The following HCN1 variants were observed in gnomAD, a reference collection of about 807,000 sequenced individuals.
The protein encoded by HCN1 is potassium/sodium hyperpolarization-activated cyclic nucleotide-gated channel 1.
In HCN1, 13 loss-of-function variants were observed where a neutral mutation model predicts 78.9. The observed-to-expected ratio is 0.16, with a 90% CI of 0.11 to 0.26. HCN1 has a LOEUF of 0.26. HCN1 is among the 10% of genes least tolerant of loss of function. HCN1 has a pLI of 1.00. For missense variants in HCN1, 810 were observed against 1,154.3 expected (o/e 0.70, Z 4.32); for synonymous variants, 552 against 455.5 (o/e 1.21, Z -2.70).
At chr5:45,615,689 T>C (rs1237454603) in intron 2 of HCN1, among the ~76,000 whole-genome samples, 2 of 152,002 alleles carry the variant, frequency 1.3e-5, no homozygotes, top group Non-Finnish European at 2.9e-5. Context: ...TTTCTCAAAA[T>C]CATGAAACTA....
intron 2 of HCN1, among the ~76,000 whole-genome samples, chr5:45,543,048 T>C (rs1561194861): frequency 6.6e-6 from 1 of 152,084 alleles, no homozygotes. Context: ...TCCCCAAAGT[T>C]GCCAACTGAC....
At chr5:45,630,807 G>T (rs1745257168) in intron 2 of HCN1, among the ~76,000 whole-genome samples, 1 of 151,942 alleles carries the variant, frequency 6.6e-6, no homozygotes, top group Non-Finnish European at 1.5e-5. Flanking sequence ...TCCTCAAAGA[G>T]AACTGTTTTT....
At chr5:45,343,278 A>G (rs1420401281) in intron 5 of HCN1, among the ~76,000 whole-genome samples, 1 of 152,222 alleles carries the variant, frequency 6.6e-6, no homozygotes. Flanking sequence ...TTTATAATGC[A>G]AAGACTGAAA....
intron 6 of HCN1, among the ~76,000 whole-genome samples, chr5:45,275,081 A>C (rs1173192948): frequency 6.6e-6 from 1 of 152,126 alleles, no homozygotes; most frequent in Non-Finnish European, 1.5e-5. Flanking sequence ...CCCTGTCTCT[A>C]CTAAAAATAC....
At chr5:45,336,968 A>G (rs1302669206) in intron 5 of HCN1, among the ~76,000 whole-genome samples, 1 of 151,976 alleles carries the variant, frequency 6.6e-6, no homozygotes, top group African/African-American at 2.4e-5. Flanking sequence ...GGGGATTAGG[A>G]TTTCAACATA....
At chr5:45,543,752 A>T (rs768595858) in intron 2 of HCN1, among the ~76,000 whole-genome samples, 14 of 152,086 alleles carry the variant, frequency 9.2e-5, no homozygotes, top group Non-Finnish European at 1.6e-4. Context: ...AAATCTAAAC[A>T]CAGGAACATG....
chr5:45,507,655 CAT>C (rs1267578757), intron 2 of HCN1, among the ~76,000 whole-genome samples: 2 of 152,106 alleles, frequency 1.3e-5, no homozygotes, highest in African/African-American at 4.8e-5. Context: ...AGCACACACA[CAT>C]GGTCAGAAGG....
intron 3 of HCN1, among the ~76,000 whole-genome samples, chr5:45,399,312 C>A (rs1579868803): frequency 6.6e-6 from 1 of 152,258 alleles, no homozygotes; most frequent in East Asian, 1.9e-4. Context: ...TGCCTACAGG[C>A]CTGAATCTGT....
intron 3 of HCN1, among the ~76,000 whole-genome samples, chr5:45,458,389 A>G (rs1741066962): frequency 6.6e-6 from 1 of 152,252 alleles, no homozygotes; most frequent in Non-Finnish European, 1.5e-5. Context: ...CTAAGGTCAT[A>G]GCATGTTTGT....
intron 5 of HCN1, among the ~76,000 whole-genome samples, chr5:45,339,099 A>G (rs892901706): frequency 2.0e-5 from 3 of 152,132 alleles, no homozygotes; most frequent in African/African-American, 7.2e-5. Context: ...CTCTCATTTT[A>G]TTAAGCAGTC....
chr5:45,531,514 T>C (rs544438403), intron 2 of HCN1, among the ~76,000 whole-genome samples: 1 of 152,286 alleles, frequency 6.6e-6, no homozygotes, highest in East Asian at 1.9e-4. Context: ...CCCTCTGTTG[T>C]CCTCAGAATA....
At chr5:45,361,054 T>G (rs1747097093) in intron 4 of HCN1, among the ~76,000 whole-genome samples, 1 of 152,174 alleles carries the variant, frequency 6.6e-6, no homozygotes, top group African/African-American at 2.4e-5. Context: ...TTTTATTTGT[T>G]TTTCTCTGAG....
At chr5:45,615,419 A>G (rs1744923558) in intron 2 of HCN1, among the ~76,000 whole-genome samples, 1 of 152,018 alleles carries the variant, frequency 6.6e-6, no homozygotes, top group Non-Finnish European at 1.5e-5. Context: ...CAATACTGGG[A>G]TATGTTTTAT....
intron 5 of HCN1, among the ~76,000 whole-genome samples, chr5:45,348,975 G>A (rs1180331665): frequency 2.6e-5 from 4 of 152,150 alleles, no homozygotes; most frequent in Admixed American, 2.6e-4. Context: ...GAGACAGAAA[G>A]TTAACAATGA....
At chr5:45,675,192 C>T (rs192639166) in intron 1 of HCN1, among the ~76,000 whole-genome samples, 4 of 151,776 alleles carry the variant, frequency 2.6e-5, no homozygotes, top group Admixed American at 6.6e-5. Flanking sequence ...CATCTTATAT[C>T]GAGTCTGATA....
chr5:45,402,046 C>T (rs140306400), intron 3 of HCN1, among the ~76,000 whole-genome samples: 1 of 151,904 alleles, frequency 6.6e-6, no homozygotes, highest in Non-Finnish European at 1.5e-5. Context: ...TATTTGGAGG[C>T]TGAGAAAAGT....
chr5:45,284,039 G>A (rs1213992913), intron 6 of HCN1, among the ~76,000 whole-genome samples: 2 of 152,248 alleles, frequency 1.3e-5, no homozygotes, highest in East Asian at 3.9e-4. Flanking sequence ...ACTAATGCAG[G>A]AACTGAAAAC....
chr5:45,623,587 C>T (rs1186442862), intron 2 of HCN1, among the ~76,000 whole-genome samples: 3 of 152,150 alleles, frequency 2.0e-5, no homozygotes, highest in Non-Finnish European at 4.4e-5. Flanking sequence ...GAAACATCTC[C>T]TCGTGTTTGA....
intron 5 of HCN1, among the ~76,000 whole-genome samples, chr5:45,320,148 G>T (rs180827710): frequency 2.6e-5 from 4 of 151,888 alleles, no homozygotes; most frequent in Admixed American, 2.0e-4. Flanking sequence ...GAGCATATAA[G>T]ATCTTCCTTC....
Sources: gnomAD v4.1 joint callset for allele counts (sites outside exome capture counted in the v4.1 genomes callset) on GRCh38, gnomAD v4.1.1 for gene constraint, MANE v1.5 for transcripts, NCBI Gene and HGNC (gene_info 2026-07-23, HGNC 2026-07-21) for gene names.